Variants in TFCP2L1 observed in about 807,000 individuals in gnomAD.
TFCP2L1 encodes transcription factor CP2-like protein 1.
A neutral mutation model predicts 72.2 loss-of-function variants in TFCP2L1; 12 were observed. That is an observed-to-expected ratio of 0.17 (90% CI 0.11 to 0.27). The LOEUF is 0.27. Among genes scored for constraint, TFCP2L1 ranks in the 10% least tolerant of loss-of-function variants. The pLI is 1.00. For missense variants in TFCP2L1, 488 were observed against 624.6 expected, an observed-to-expected ratio of 0.78 and a Z score of 2.33; for synonymous variants, 260 against 251.0, an observed-to-expected ratio of 1.04 and a Z score of -0.34.
At chr2:121,231,720 C>G in intron 13 of TFCP2L1, 106 bp downstream of exon 13, 1 of 1,492,360 alleles carries the variant, frequency 6.7e-7, no homozygotes, top group Non-Finnish European at 9.0e-7. Context: ...TGCAGATGAA[C>G]CTGTCTGTCA....
At chr2:121,258,389 G>A (rs1686768603) in intron 2 of TFCP2L1, among the ~76,000 whole-genome samples, 1 of 152,202 alleles carries the variant, frequency 6.6e-6, no homozygotes, top group South Asian at 2.1e-4. Context: ...GCCCAAGGCT[G>A]GCTATTCAAA....
intron 13 of TFCP2L1, among the ~76,000 whole-genome samples, chr2:121,228,456 T>TA (rs35366541): frequency 0.15 from 21,384 of 144,816 alleles, 1,679 homozygotes; most frequent in Middle Eastern, 0.18. Flanking sequence ...AAATAGGAGT[T>TA]AAAAAAAAAA....
rs1483531112 is a variant in TFCP2L1 at position 121,217,317 on chromosome 2, T to A, written c.*7024A>T. 1 of 152,286 alleles carries A rather than the reference T, an allele frequency of 6.6e-6. No homozygotes were observed. Among genetic ancestry groups the A allele is most frequent in the Non-Finnish European group, 1.5e-5 (1 of 68,116 alleles). The allele number at this position is 152,286 out of a possible 1,614,324, so 9.4% of individuals were successfully genotyped here. On this transcript the variant is annotated 3_prime_UTR_variant, in exon 15 of 15. Transcript: ENST00000263707. The stretch of plus-strand genomic sequence containing the variant: ...CCCCAGCTGCTATCACTACTGTTAC[T>A]CACGAAGAAAGGAACTGCAGTGGCT...
At chr2:121,262,143 C>T (rs1686838873) in intron 2 of TFCP2L1, among the ~76,000 whole-genome samples, 1 of 152,038 alleles carries the variant, frequency 6.6e-6, no homozygotes, top group South Asian at 2.1e-4. Flanking sequence ...AGAGAGACCT[C>T]GTCTCTTATT....
At chr2:121,263,137 G>A (rs762613330) in intron 2 of TFCP2L1, among the ~76,000 whole-genome samples, 30 of 152,222 alleles carry the variant, frequency 2.0e-4, no homozygotes, top group Non-Finnish European at 3.5e-4. Context: ...GTTTCTCCAC[G>A]TTGATCAGGC....
intron 14 of TFCP2L1, among the ~76,000 whole-genome samples, chr2:121,224,984 A>G (rs1233285842): frequency 6.9e-6 from 1 of 144,144 alleles, no homozygotes; most frequent in East Asian, 2.0e-4. Flanking sequence ...GACTCCATCA[A>G]AAAAAAAAAA....
chr2:121,274,770 T>C (rs1687112276), intron 2 of TFCP2L1, among the ~76,000 whole-genome samples: 1 of 151,830 alleles, frequency 6.6e-6, no homozygotes, highest in Non-Finnish European at 1.5e-5. Flanking sequence ...CATAGTGGGA[T>C]CTTGTATCTA....
At chr2:121,244,615 C>G (rs1686444396) in intron 6 of TFCP2L1, among the ~76,000 whole-genome samples, 1 of 152,206 alleles carries the variant, frequency 6.6e-6, no homozygotes, top group African/African-American at 2.4e-5. Flanking sequence ...AGAGCCCCCA[C>G]TCCTAAGCTT....
chr2:121,273,836 T>C (rs1687092361), intron 2 of TFCP2L1, among the ~76,000 whole-genome samples: 1 of 152,234 alleles, frequency 6.6e-6, no homozygotes, highest in South Asian at 2.1e-4. Context: ...AACTACTTTT[T>C]AAGAACTGTA....
intron 13 of TFCP2L1, among the ~76,000 whole-genome samples, chr2:121,229,409 CT>C (rs71823629): frequency 0.02 from 3,006 of 152,238 alleles, 117 homozygotes; most frequent in African/African-American, 0.067. Context: ...TTACAAATTA[CT>C]TTTTTAATGT....
chr2:121,282,105 G>A (rs531138922), intron 1 of TFCP2L1, among the ~76,000 whole-genome samples: 100 of 152,028 alleles, frequency 6.6e-4, no homozygotes, highest in Admixed American at 1.4e-3. Context: ...GCTAATTTTT[G>A]TATTTTTAGT....
rs575256340 is a variant in TFCP2L1 at position 121,223,970 on chromosome 2, C to G, written c.*371G>C. The G allele has an allele frequency of 4.1e-6, 1 of 244,920 alleles. No individual in the cohort carries two copies. Among genetic ancestry groups the G allele is most frequent in the Non-Finnish European group, 8.0e-6 (1 of 125,620 alleles). The allele number at this position is 244,920 out of a possible 1,614,324, so 15.2% of individuals were successfully genotyped here. On this transcript the variant is annotated 3_prime_UTR_variant, in exon 15 of 15. Coordinates refer to ENST00000263707, the MANE Select transcript of TFCP2L1 (RefSeq NM_014553.3). ...CTTTCTCTGGAGGCAGGAGAGTGGT[C>G]AGAAGGGACCAATACAGGCAGCACC...
intron 7 of TFCP2L1, chr2:121,240,826 G>C (rs1686352535): frequency 1.2e-6 from 1 of 836,402 alleles, no homozygotes; most frequent in Non-Finnish European, 1.4e-6. Flanking sequence ...CCACTCCTTT[G>C]CGGGCCGTGG....
At position 121,242,457 on chromosome 2, in the gene TFCP2L1, C is replaced by A. The variant is rs765369796; in HGVS notation, c.670G>T (p.Asp224Tyr). The change falls in exon 7 of 15, where the codon GAT becomes TAT. Residue 224 changes from aspartate to tyrosine, a missense_variant. Transcript: ENST00000263707. ...QIKVFKPKGA[D>Y]RKQKTDREKM... ...TCCCGGTCAGTCTTCTGTTTCCGAT[C>A]GGCTCCCTTCGGCTGCGAGCAGAGT... The A allele has an allele frequency of 6.2e-7, 1 of 1,614,034 alleles. No individual in the cohort carries two copies. The highest frequency in any genetic ancestry group is 8.5e-7 in the Non-Finnish European group (1 of 1,180,002).
intron 1 of TFCP2L1, among the ~76,000 whole-genome samples, chr2:121,283,723 T>C (rs1346189178): frequency 1.3e-5 from 2 of 152,212 alleles, no homozygotes; most frequent in Non-Finnish European, 1.5e-5. Flanking sequence ...AACTCATTGT[T>C]AAGATATGGC....
intron 8 of TFCP2L1, among the ~76,000 whole-genome samples, chr2:121,238,589 A>G (rs1321108178): frequency 1.3e-5 from 2 of 152,240 alleles, no homozygotes; most frequent in African/African-American, 4.8e-5. Context: ...CGCAGGGCTG[A>G]TCCCCAGACC....
chr2:121,253,712 G>C (rs189233304), intron 2 of TFCP2L1, among the ~76,000 whole-genome samples: 1 of 152,306 alleles, frequency 6.6e-6, no homozygotes, highest in East Asian at 1.9e-4. Context: ...TTGAACAAAG[G>C]GTAAAGCCAT....
chr2:121,264,829 T>TAAATAACAAC (rs1355012151), intron 2 of TFCP2L1, among the ~76,000 whole-genome samples: 1 of 152,102 alleles, frequency 6.6e-6, no homozygotes, highest in African/African-American at 2.4e-5. Context: ...CACTAAACAA[T>TAAATAACAAC]AAATAACAAC....
At chr2:121,225,408 C>T (rs144324621) in intron 14 of TFCP2L1, among the ~76,000 whole-genome samples, 154 bp downstream of exon 14, 1 of 152,292 alleles carries the variant, frequency 6.6e-6, no homozygotes, top group East Asian at 1.9e-4. Context: ...ACTAGTTCTG[C>T]CATTTCTAGG....
Sources: gnomAD v4.1 joint callset for allele counts (sites outside exome capture counted in the v4.1 genomes callset) on GRCh38, gnomAD v4.1.1 for gene constraint, MANE v1.5 for transcripts, NCBI Gene and HGNC (gene_info 2026-07-23, HGNC 2026-07-21) for gene names.